FOXK1: variants seen among roughly 807,000 people sequenced by gnomAD.
FOXK1 encodes forkhead box protein K1.
Under a neutral mutation model 51.9 loss-of-function variants are expected in FOXK1, and 19 were observed. The observed-to-expected ratio is 0.37, with a 90% CI of 0.26 to 0.54. The LOEUF is 0.54. FOXK1 is among the 20% of genes least tolerant of loss of function. FOXK1 has a pLI of 0.87. For missense variants in FOXK1, 870 were observed against 1,032.7 expected (o/e 0.84, Z 2.16); for synonymous variants, 537 against 482.6 (o/e 1.11, Z -1.48).
intron 1 of FOXK1, among the ~76,000 whole-genome samples, chr7:4,706,028 ATATACGTGTATATACGTG>A (rs1562373195): frequency 0.012 from 1,304 of 109,936 alleles, 126 homozygotes; most frequent in African/African-American, 0.058. Context: ...ATATACGTGT[ATATACGTGTATATACGTG>A]TATATATGTA....
intron 1 of FOXK1, among the ~76,000 whole-genome samples, chr7:4,712,233 C>A (rs146230059): frequency 6.6e-6 from 1 of 152,250 alleles, no homozygotes; most frequent in African/African-American, 2.4e-5. Flanking sequence ...CCAAGAGCAT[C>A]TCCCGCCTCG....
rs571391784 is a variant in FOXK1 at position 4,761,933 on chromosome 7, T to C, written c.1922-251T>C. On this transcript the variant is annotated intron_variant, in intron 8 of 8. Coordinates refer to ENST00000328914, the MANE Select transcript of FOXK1 (RefSeq NM_001037165.2). The surrounding 1 kb of genome is among the most constrained non-coding windows in gnomAD (Gnocchi z 6.2). ...AAAGGAGTGAGGCAAGCCGTCGATG[T>C]CCAGCAGGATCTAGACAGCAATGAG... Among the ~76,000 whole-genome samples the C allele has an allele frequency of 9.2e-5, 14 of 151,890 alleles. No individual in the cohort carries two copies. The highest frequency in any genetic ancestry group is 1.8e-4 in the Non-Finnish European group (12 of 67,926).
Position 4,755,142 on chromosome 7 carries a change from C to G in FOXK1, c.904-95C>G. On this transcript the variant is annotated intron_variant, in intron 3 of 8. Coordinates refer to ENST00000328914, the MANE Select transcript of FOXK1 (RefSeq NM_001037165.2). The surrounding 1 kb of genome is among the most constrained non-coding windows in gnomAD (Gnocchi z 6.6). ...GGTGCCGGCAAGACGCGCACATTCTCGTGGGAAGGTTCCTCCCCATCAGCT... is the reference window on the plus strand; with the variant it reads ...GGTGCCGGCAAGACGCGCACATTCTGGTGGGAAGGTTCCTCCCCATCAGCT... The G allele has an allele frequency of 3.4e-6, 5 of 1,486,060 alleles. No homozygotes were observed. Among genetic ancestry groups the G allele is most frequent in the South Asian group, 1.2e-5 (1 of 80,428 alleles). 92.1% of individuals were successfully genotyped at this position (1,486,060 alleles called of 1,614,324 possible). A position where few individuals can be genotyped will look rare whatever the true frequency, so the allele number is the denominator to read the frequency against.
chr7:4,682,893 G>T lies in FOXK1; in HGVS notation c.560+25G>T. 3 of 1,433,374 alleles carry T rather than the reference G, an allele frequency of 2.1e-6. No individual in the cohort carries two copies. The highest frequency in any genetic ancestry group is 2.7e-6 in the Non-Finnish European group (3 of 1,090,910). 88.8% of individuals were successfully genotyped at this position (1,433,374 alleles called of 1,614,324 possible). A position where few individuals can be genotyped will look rare whatever the true frequency, so the allele number is the denominator to read the frequency against. On this transcript the variant is annotated intron_variant, in intron 1 of 8. Coordinates refer to ENST00000328914, the MANE Select transcript of FOXK1 (RefSeq NM_001037165.2). This position sits in a 1 kb window ranked among gnomAD's most constrained non-coding sequence, Gnocchi z 7.6. ...AGTGAGTGGCCCCGCGACCCCCGCCGCCCGCACCCGGGGCTCGCCCACGAC... is the reference window on the plus strand; with the variant it reads ...AGTGAGTGGCCCCGCGACCCCCGCCTCCCGCACCCGGGGCTCGCCCACGAC...
At chr7:4,742,364 A>G (rs1029902289) in intron 2 of FOXK1, among the ~76,000 whole-genome samples, 3 of 152,044 alleles carry the variant, frequency 2.0e-5, no homozygotes, top group Non-Finnish European at 4.4e-5. Flanking sequence ...CCCCGGCCGC[A>G]CCTTGGCTTG....
In FOXK1 at chr7:4,722,699, C is replaced by T. The variant is rs73303392; in HGVS notation, c.561-18139C>T. Among the ~76,000 whole-genome samples, 5,362 of 152,280 alleles carry T rather than the reference C, an allele frequency of 0.035. 324 individuals carry two copies. The highest frequency in any genetic ancestry group is 0.12 in the African/African-American group (5,111 of 41,540). On this transcript the variant is annotated intron_variant, in intron 1 of 8. Transcript: ENST00000328914. The surrounding 1 kb of genome is among the most constrained non-coding windows in gnomAD (Gnocchi z 5.1). Reference sequence around the variant, plus strand: ...GGTGAAACGAGGAAGTCGTAGGAGACCCACCTCAGATGCTCGGGTGCACAT... The same window carrying T: ...GGTGAAACGAGGAAGTCGTAGGAGATCCACCTCAGATGCTCGGGTGCACAT...
intron 1 of FOXK1, among the ~76,000 whole-genome samples, chr7:4,740,032 C>T (rs1012015159): frequency 7.9e-5 from 12 of 152,176 alleles, no homozygotes; most frequent in African/African-American, 2.9e-4. Flanking sequence ...CAATGGCTCT[C>T]GCCTGTAATC....
At chr7:4,712,771 A>G (rs1224932777) in intron 1 of FOXK1, among the ~76,000 whole-genome samples, 1 of 152,230 alleles carries the variant, frequency 6.6e-6, no homozygotes, top group African/African-American at 2.4e-5. Flanking sequence ...GAGTGTGTTC[A>G]AATCCGTTTA....
intron 2 of FOXK1, among the ~76,000 whole-genome samples, chr7:4,744,460 G>T (rs1027891206): frequency 1.3e-5 from 2 of 152,164 alleles, no homozygotes; most frequent in African/African-American, 4.8e-5. Context: ...TCCTGTTCCC[G>T]GGTACCCACT....
In FOXK1 at chr7:4,755,361, G is replaced by A. The variant is rs1486819361; in HGVS notation, c.1028G>A (p.Arg343Gln). The change falls in exon 4 of 9, where the codon CGG (arginine) becomes CAG (glutamine). Residue 343 changes from arginine to glutamine, a missense_variant. Arg to Gln is a conservative substitution (Grantham distance 43, BLOSUM62 1). Coordinates refer to ENST00000328914, the MANE Select transcript of FOXK1 (RefSeq NM_001037165.2). This position sits in a 1 kb window ranked among gnomAD's most constrained non-coding sequence, Gnocchi z 6.6. ...ATCACCAAGCATTACCCCTACTACCGGACGGCCGACAAAGGCTGGCAGGTG... is the reference window on the plus strand; with the variant it reads ...ATCACCAAGCATTACCCCTACTACCAGACGGCCGACAAAGGCTGGCAGGTG... ...AHITKHYPYY[R>Q]TADKGWQNSI... 5 of 1,613,380 alleles carry A rather than the reference G, an allele frequency of 3.1e-6. No homozygotes were observed. The highest frequency in any genetic ancestry group is 2.7e-5 in the African/African-American group (2 of 74,902).
rs1053764886 is a variant in FOXK1 at position 4,755,834 on chromosome 7, C to T, written c.1050+451C>T. On this transcript the variant is annotated intron_variant, in intron 4 of 8. Coordinates refer to ENST00000328914, the MANE Select transcript of FOXK1 (RefSeq NM_001037165.2). The surrounding 1 kb of genome is among the most constrained non-coding windows in gnomAD (Gnocchi z 6.6). The stretch of plus-strand genomic sequence containing the variant: ...TCTGAAAGGCATTAGCGCTGTGATA[C>T]CATTGTGTCTAAATACTCTTTTTTA... Among the ~76,000 whole-genome samples the T allele has an allele frequency of 2.0e-5, 3 of 152,168 alleles. No individual in the cohort carries two copies. Among genetic ancestry groups the T allele is most frequent in the African/African-American group, 7.2e-5 (3 of 41,428 alleles).
chr7:4,763,176 T>A lies in FOXK1; in HGVS notation c.*712T>A, dbSNP rs1033184412. The A allele has an allele frequency of 6.6e-6, 1 of 152,212 alleles. No individual in the cohort carries two copies. The highest frequency in any genetic ancestry group is 6.5e-5 in the Admixed American group (1 of 15,272). The allele number at this position is 152,212 out of a possible 1,614,324, so 9.4% of individuals were successfully genotyped here. A position where few individuals can be genotyped will look rare whatever the true frequency, so the allele number is the denominator to read the frequency against. On this transcript the variant is annotated 3_prime_UTR_variant, in exon 9 of 9. Coordinates refer to ENST00000328914, the MANE Select transcript of FOXK1 (RefSeq NM_001037165.2). ...GGTCCAGGGTTCCCGCTGGGTTTAA[T>A]CCCCTCGAAGAGTAAACCTGCCGCT...
Position 4,715,900 on chromosome 7 carries a change from G to A in FOXK1, c.561-24938G>A, listed in dbSNP as rs898181536. The stretch of plus-strand genomic sequence containing the variant: ...ATGGCCGTTGCTGAACTTCAACATT[G>A]GCCACCAATATCTGCTGTCTGTGCT... On this transcript the variant is annotated intron_variant, in intron 1 of 8. Coordinates refer to ENST00000328914, the MANE Select transcript of FOXK1 (RefSeq NM_001037165.2). The surrounding 1 kb of genome is among the most constrained non-coding windows in gnomAD (Gnocchi z 4.5). Among the ~76,000 whole-genome samples, 9 of 152,170 alleles carry A rather than the reference G, an allele frequency of 5.9e-5. No individual in the cohort carries two copies. Among genetic ancestry groups the A allele is most frequent in the African/African-American group, 2.2e-4 (9 of 41,440 alleles).
At chr7:4,751,652 G>C (rs1434225476) in intron 2 of FOXK1, among the ~76,000 whole-genome samples, 1 of 152,254 alleles carries the variant, frequency 6.6e-6, no homozygotes, top group Non-Finnish European at 1.5e-5. Context: ...GCGGAGGACA[G>C]TTGAATGGGG....
rs1399003934 is a variant in FOXK1 at position 4,747,714 on chromosome 7, T to C, written c.746+6691T>C. ...CCACACACACCCAGCTCATTTTTTA[T>C]TTTCGTTGAGATGGTGTCTTGCCCA... On this transcript the variant is annotated intron_variant, in intron 2 of 8. Coordinates refer to ENST00000328914, the MANE Select transcript of FOXK1 (RefSeq NM_001037165.2). The surrounding 1 kb of genome is among the most constrained non-coding windows in gnomAD (Gnocchi z 9.2). Among the ~76,000 whole-genome samples the C allele has an allele frequency of 2.6e-5, 4 of 151,598 alleles. No homozygotes were observed. The highest frequency in any genetic ancestry group is 2.1e-4 in the South Asian group (1 of 4,806).
intron 1 of FOXK1, among the ~76,000 whole-genome samples, chr7:4,710,259 A>G (rs963399922): frequency 6.6e-6 from 1 of 152,226 alleles, no homozygotes; most frequent in African/African-American, 2.4e-5. Flanking sequence ...CAGAAAGTAC[A>G]GGATAGGCCA....
chr7:4,748,781 C>T lies in FOXK1; in HGVS notation c.747-5678C>T, dbSNP rs540417125. ...CCAGGCTGGTACTTCTGGGCTCAAG[C>T]GAGCCTCCTGCCTCAGCCTCCCGAG... On this transcript the variant is annotated intron_variant, in intron 2 of 8. Coordinates refer to ENST00000328914, the MANE Select transcript of FOXK1 (RefSeq NM_001037165.2). The surrounding 1 kb of genome is among the most constrained non-coding windows in gnomAD (Gnocchi z 4.9). Among the ~76,000 whole-genome samples the T allele has an allele frequency of 1.3e-5, 2 of 152,262 alleles. No homozygotes were observed. Among genetic ancestry groups the T allele is most frequent in the East Asian group, 1.9e-4 (1 of 5,182 alleles).
At position 4,730,483 on chromosome 7, in the gene FOXK1, G is replaced by A. The variant is rs1780436297; in HGVS notation, c.561-10355G>A. 6.6e-6 allele frequency among the ~76,000 whole-genome samples: 1 copy of A among 152,228 alleles called. No homozygotes were observed. The highest frequency in any genetic ancestry group is 6.5e-5 in the Admixed American group (1 of 15,282). ...GAGGGACGCAGGCCCAGTGGAGAGG[G>A]CGTGGTTTGCAGGCACCAGTGCTGG... On this transcript the variant is annotated intron_variant, in intron 1 of 8. Transcript: ENST00000328914. The surrounding 1 kb of genome is among the most constrained non-coding windows in gnomAD (Gnocchi z 4.7).
chr7:4,709,844 T>C lies in FOXK1; in HGVS notation c.560+26976T>C, dbSNP rs530020864. Among the ~76,000 whole-genome samples the C allele has an allele frequency of 1.3e-5, 2 of 152,194 alleles. No homozygotes were observed. Among genetic ancestry groups the C allele is most frequent in the South Asian group, 2.1e-4 (1 of 4,814 alleles). ...GTCTGTAAAATAGGTCCAAAAGCCA[T>C]CCCCACCTCCAAGGAGGGAGAGAGG... On this transcript the variant is annotated intron_variant, in intron 1 of 8. Coordinates refer to ENST00000328914, the MANE Select transcript of FOXK1 (RefSeq NM_001037165.2). The surrounding 1 kb of genome is among the most constrained non-coding windows in gnomAD (Gnocchi z 5.6).
Sources: allele counts gnomAD v4.1 joint callset (sites outside exome capture counted in the v4.1 genomes callset), GRCh38; gene constraint gnomAD v4.1.1; non-coding constraint Gnocchi (gnomAD v3.1); transcripts MANE v1.5; gene names NCBI Gene and HGNC (gene_info 2026-07-23, HGNC 2026-07-21).